VAV2: variants seen among roughly 807,000 people sequenced by gnomAD.
VAV2 encodes guanine nucleotide exchange factor VAV2.
Under a neutral mutation model 132.5 loss-of-function variants are expected in VAV2, and 67 were observed. The observed-to-expected ratio is 0.51, with a 90% CI of 0.42 to 0.62. The LOEUF (loss-of-function observed/expected upper bound fraction) is 0.62. Among genes scored for constraint, VAV2 ranks in the 20% least tolerant of loss-of-function variants. The pLI is 0.00. For synonymous variants in VAV2, 492 were observed against 443.5 expected (o/e 1.11, Z -1.37); for missense variants, 938 against 1,153.6 (o/e 0.81, Z 2.71).
chr9:133,943,764 C>A (rs1375312893), intron 1 of VAV2, among the ~76,000 whole-genome samples: 3 of 152,240 alleles, frequency 2.0e-5, no homozygotes, highest in East Asian at 3.9e-4. Flanking sequence ...CCCAAGAATC[C>A]CTTGTCCAGG....
At chr9:133,787,390 G>T in intron 15 of VAV2, 130 bp from the exon 16 acceptor site, 1 of 1,114,602 alleles carries the variant, frequency 9.0e-7, no homozygotes. Context: ...TGCCCAGGCT[G>T]GGGGTGGGGT....
intron 2 of VAV2, among the ~76,000 whole-genome samples, chr9:133,908,219 G>T (rs1392601654): frequency 6.6e-6 from 1 of 151,980 alleles, no homozygotes; most frequent in Non-Finnish European, 1.5e-5. Flanking sequence ...AGTCCTTGCG[G>T]CCACTTAAAG....
intron 12 of VAV2, among the ~76,000 whole-genome samples, chr9:133,793,826 G>A (rs2131629117): frequency 6.6e-6 from 1 of 152,262 alleles, no homozygotes; most frequent in East Asian, 1.9e-4. Context: ...TACAAGGAGT[G>A]AGCCCTCAGT....
intron 3 of VAV2, among the ~76,000 whole-genome samples, chr9:133,850,348 G>T (rs960374714): frequency 2.0e-5 from 3 of 152,176 alleles, no homozygotes. Flanking sequence ...TCACCTGCAC[G>T]TGACCAGTGG....
chr9:133,843,701 C>T (rs2131817432), intron 3 of VAV2, among the ~76,000 whole-genome samples: 1 of 152,286 alleles, frequency 6.6e-6, no homozygotes, highest in South Asian at 2.1e-4. Context: ...GGTTTAGGGG[C>T]TGGAGCAGGC....
intron 2 of VAV2, among the ~76,000 whole-genome samples, chr9:133,888,484 G>C (rs946498369): frequency 3.9e-5 from 6 of 152,222 alleles, no homozygotes; most frequent in Non-Finnish European, 5.9e-5. Flanking sequence ...CGGACAGGCA[G>C]GCCCAGACAT....
chr9:133,778,304 G>C (rs561431882), intron 22 of VAV2, among the ~76,000 whole-genome samples: 2 of 152,302 alleles, frequency 1.3e-5, no homozygotes, highest in South Asian at 2.1e-4. Flanking sequence ...TGCCCACCTG[G>C]GGAAGGAGCG....
chr9:133,958,535 C>T lies in VAV2; in HGVS notation c.205-19316G>A, dbSNP rs929650805. Among the ~76,000 whole-genome samples, 6 of 146,820 alleles carry T rather than the reference C, an allele frequency of 4.1e-5. 2 individuals carry two copies. The highest frequency in any genetic ancestry group is 2.1e-4 in the Admixed American group (3 of 14,510). On this transcript the variant is annotated intron_variant, in intron 1 of 29. Transcript: ENST00000371850. ...TATTGTCTTGTGACCCTGACACATCCCCCTCTCGGAGAAACACCCACGAAT... is the reference window on the plus strand; with the variant it reads ...TATTGTCTTGTGACCCTGACACATCTCCCTCTCGGAGAAACACCCACGAAT...
At chr9:133,978,440 C>T (rs1166329540) in intron 1 of VAV2, among the ~76,000 whole-genome samples, 3 of 152,262 alleles carry the variant, frequency 2.0e-5, no homozygotes, top group Non-Finnish European at 4.4e-5. Context: ...GAGACGGGCT[C>T]CCCAATCCTG....
chr9:133,800,485 C>T (rs934959495), intron 9 of VAV2, among the ~76,000 whole-genome samples: 3 of 152,322 alleles, frequency 2.0e-5, no homozygotes, highest in African/African-American at 7.2e-5. Flanking sequence ...CGCTCGGGCC[C>T]GAGGGACACC....
In VAV2 at chr9:133,935,212, G is replaced by A. The variant is rs917084762; in HGVS notation, c.321+3891C>T. Among the ~76,000 whole-genome samples, 18 of 152,178 alleles carry A rather than the reference G, an allele frequency of 1.2e-4. No individual in the cohort carries two copies. The highest frequency in any genetic ancestry group is 4.1e-4 in the South Asian group (2 of 4,834). On this transcript the variant is annotated intron_variant, in intron 2 of 29. Transcript: ENST00000371850. The surrounding 1 kb of genome is among the most constrained non-coding windows in gnomAD (Gnocchi z 5.2). ...CGAGCTCATTTGGAATGGCCAGGGC[G>A]TCCCAACTGGGCTGAGCTCATGAAT...
chr9:133,818,840 C>T (rs971429229), intron 4 of VAV2, among the ~76,000 whole-genome samples: 25 of 152,076 alleles, frequency 1.6e-4, no homozygotes, highest in Non-Finnish European at 3.1e-4. Context: ...TTCTTGGACC[C>T]GAGATGCTAT....
intron 4 of VAV2, among the ~76,000 whole-genome samples, chr9:133,819,210 C>G: frequency 6.6e-6 from 1 of 151,842 alleles, no homozygotes; most frequent in African/African-American, 2.4e-5. Flanking sequence ...TTTGGGAGGC[C>G]GAGGTGGGCG....
rs139322280 is a variant in VAV2 at position 133,786,164 on chromosome 9, C to G, written c.1423-279G>C. 3.4e-4 allele frequency among the ~76,000 whole-genome samples: 52 copies of G among 152,374 alleles called. 2 individuals carry two copies. Among genetic ancestry groups the G allele is most frequent in the African/African-American group, 1.2e-3 (49 of 41,590 alleles). On this transcript the variant is annotated intron_variant, in intron 16 of 29. Coordinates refer to ENST00000371850, the MANE Select transcript of VAV2 (RefSeq NM_001134398.2). ...TTGTGCCTTCACCTCTGCATGCATACTAGTGTGCTCCTGCGTGCATGGGTG... is the reference window on the plus strand; with the variant it reads ...TTGTGCCTTCACCTCTGCATGCATAGTAGTGTGCTCCTGCGTGCATGGGTG...
chr9:133,864,594 T>C (rs1837726949), intron 2 of VAV2, among the ~76,000 whole-genome samples: 1 of 152,210 alleles, frequency 6.6e-6, no homozygotes. Flanking sequence ...GGCGGCACTT[T>C]AAAAGACAGA....
rs1232175559 is a variant in VAV2 at position 133,863,125 on chromosome 9, T to C, written c.322-1693A>G. Among the ~76,000 whole-genome samples the C allele has an allele frequency of 6.6e-6, 1 of 152,194 alleles. No homozygotes were observed. Among genetic ancestry groups the C allele is most frequent in the African/African-American group, 2.4e-5 (1 of 41,458 alleles). ...AACTTGGCTCTGGAGTGTTTTTGGC[T>C]TTTAAGAGCTCTAAGCATTTAGGGA... On this transcript the variant is annotated intron_variant, in intron 2 of 29. Coordinates refer to ENST00000371850, the MANE Select transcript of VAV2 (RefSeq NM_001134398.2). The surrounding 1 kb of genome is among the most constrained non-coding windows in gnomAD (Gnocchi z 5.0).
intron 23 of VAV2, 46 bp downstream of exon 23, chr9:133,777,343 C>T: frequency 2.5e-6 from 4 of 1,602,984 alleles, no homozygotes; most frequent in Non-Finnish European, 3.4e-6. Context: ...GAACCCTCAG[C>T]ACCCAGGCCA....
intron 2 of VAV2, among the ~76,000 whole-genome samples, chr9:133,876,521 T>C (rs904664789): frequency 1.3e-5 from 2 of 152,228 alleles, no homozygotes; most frequent in Non-Finnish European, 2.9e-5. Context: ...AGAGCGGCCA[T>C]GGCCACACAG....
At chr9:133,813,033 C>T (rs1034821061) in intron 4 of VAV2, among the ~76,000 whole-genome samples, 31 of 152,330 alleles carry the variant, frequency 2.0e-4, no homozygotes, top group African/African-American at 7.0e-4. Context: ...CCTGATGCTC[C>T]ACACCTGACC....
Sources: allele counts gnomAD v4.1 joint callset (sites outside exome capture counted in the v4.1 genomes callset), GRCh38; gene constraint gnomAD v4.1.1; non-coding constraint Gnocchi (gnomAD v3.1); transcripts MANE v1.5; gene names NCBI Gene and HGNC (gene_info 2026-07-23, HGNC 2026-07-21).